L1TD1: variants seen among roughly 807,000 people sequenced by gnomAD.
The protein encoded by L1TD1 is LINE1 type transposase domain containing 1, also known as LINE-1 type transposase domain-containing protein 1.
Under a neutral mutation model 25.7 loss-of-function variants are expected in L1TD1, and 26 were observed. That is an observed-to-expected ratio of 1.01 (90% confidence interval 0.74 to 1.40). The LOEUF (loss-of-function observed/expected upper bound fraction) is 1.40, where lower values mean the gene tolerates loss of function less well. Among genes scored for constraint, L1TD1 ranks in the 40% most tolerant of loss-of-function variants. L1TD1 has a pLI of 0.00. For synonymous variants in L1TD1, 421 were observed against 335.6 expected, an observed-to-expected ratio of 1.25 and a Z score of -2.78; for missense variants, 1,130 against 975.0, an observed-to-expected ratio of 1.16 and a Z score of -2.12.
chr1:62,195,688 G>A (rs1242049150), intron 1 of L1TD1, among the ~76,000 whole-genome samples: 1 of 152,168 alleles, frequency 6.6e-6, no homozygotes, highest in Admixed American at 6.5e-5. Context: ...AGAGGCAGAG[G>A]TTGCACTGAG....
chr1:62,211,064 T>C lies in L1TD1; in HGVS notation c.2290T>C (p.Phe764Leu). 1 of 1,550,882 alleles carries C rather than the reference T, an allele frequency of 6.4e-7. No homozygotes were observed. Among genetic ancestry groups the C allele is most frequent in the Non-Finnish European group, 8.7e-7 (1 of 1,146,868 alleles). ...GACTCCTAGACACATCTTGGTGAAA[T>C]TTTGGAATTCTAGTGATAAAGAGAA... is the stretch of plus-strand genomic sequence containing the variant. ...RLTPRHILVK[F>L]WNSSDKEKII... The change falls in exon 4 of 4, where the codon TTT (phenylalanine) becomes CTT (leucine). Residue 764 changes from phenylalanine to leucine, a missense_variant. Physicochemically the swap from Phe to Leu is conservative, Grantham distance 22 (BLOSUM62 0). Coordinates refer to ENST00000498273, the MANE Select transcript of L1TD1 (RefSeq NM_019079.5).
In L1TD1 at chr1:62,206,712, G is replaced by A. The variant is rs1181699605; in HGVS notation, c.84G>A (p.Glu28=). The A allele has an allele frequency of 1.6e-5, 25 of 1,542,364 alleles. No individual in the cohort carries two copies. The highest frequency in any genetic ancestry group is 2.2e-5 in the Non-Finnish European group (25 of 1,141,654). Residue 28 remains glutamate (E), a synonymous_variant, in exon 3 of 4, where the codon GAG becomes GAA. Coordinates refer to ENST00000498273, the MANE Select transcript of L1TD1 (RefSeq NM_019079.5). ...KKENITYMKR[E]QLTETDKDIA... ...AAAATATCACCTATATGAAAAGAGA[G>A]CAGTTAACAGAAACTGATAAGGACA...
At chr1:62,203,391 C>T (rs1157668459) in intron 2 of L1TD1, among the ~76,000 whole-genome samples, 1 of 152,112 alleles carries the variant, frequency 6.6e-6, no homozygotes, top group African/African-American at 2.4e-5. Context: ...CACCCACCTA[C>T]TACCCTTCCC....
chr1:62,205,438 T>TATAC (rs1670725387), intron 2 of L1TD1, among the ~76,000 whole-genome samples: 1 of 66,620 alleles, frequency 1.5e-5, no homozygotes, highest in Non-Finnish European at 2.9e-5. Context: ...TATATATATA[T>TATAC]ATATATTTTT....
chr1:62,196,374 G>A (rs528924675), intron 1 of L1TD1, 61 bp from the exon 2 acceptor site: 1 of 152,172 alleles, frequency 6.6e-6, no homozygotes, highest in East Asian at 1.9e-4. Flanking sequence ...TCAATATAAG[G>A]TGATTTTCTA....
At chr1:62,205,380 TC>T (rs1557443373) in intron 2 of L1TD1, among the ~76,000 whole-genome samples, 2 of 79,180 alleles carry the variant, frequency 2.5e-5, no homozygotes, top group Non-Finnish European at 5.0e-5. Context: ...TCTTTCTCTC[TC>T]TCTCTCTTTC....
rs776963727 is a variant in L1TD1, at chr1:62,210,373, G to C, written c.1599G>C (p.Gln533His). 6.2e-7 allele frequency: 1 copy of C among 1,613,974 alleles called. No homozygotes were observed. Among genetic ancestry groups the C allele is most frequent in the East Asian group, 2.2e-5 (1 of 44,878 alleles). ...AACACCAGGTGGTGCACAAAACCCA[G>C]GAGGAAGAGGAAACAGCTGTGCCCA... ...LVKHQVVHKT[Q>H]EEEETAVPTS... is the part of the protein sequence containing the mutation. The change falls in exon 4 of 4, where the codon CAG becomes CAC. Residue 533 changes from glutamine (Q) to histidine (H), a missense_variant. By Grantham distance (24) the Gln-to-His change is conservative. Coordinates refer to ENST00000498273, the MANE Select transcript of L1TD1 (RefSeq NM_019079.5).
Position 62,212,289 on chromosome 1 carries a change from C to T in L1TD1, c.*917C>T, listed in dbSNP as rs1368054843. 6 of 148,454 alleles carry T rather than the reference C, an allele frequency of 4.0e-5. No individual in the cohort carries two copies. The highest frequency in any genetic ancestry group is 9.0e-5 in the Non-Finnish European group (6 of 66,696). The allele number at this position is 148,454 out of a possible 1,614,324, so 9.2% of individuals were successfully genotyped here. A position where few individuals can be genotyped will look rare whatever the true frequency, so the allele number is the denominator to read the frequency against. ...TATTTCACAAGTTTGTATCATTTGT[C>T]ATGATGTGACTCGAATATATTAAAT... On this transcript the variant is annotated 3_prime_UTR_variant, in exon 4 of 4. Coordinates refer to ENST00000498273, the MANE Select transcript of L1TD1 (RefSeq NM_019079.5).
At chr1:62,200,976 A>G (rs545847659) in intron 2 of L1TD1, among the ~76,000 whole-genome samples, 31 of 151,790 alleles carry the variant, frequency 2.0e-4, no homozygotes, top group African/African-American at 7.0e-4. Context: ...TCTGTTGCCC[A>G]GGCTGTAGTG....
Position 62,207,605 on chromosome 1 carries a change from G to A in L1TD1, c.977G>A (p.Gly326Glu), listed in dbSNP as rs754562569. ...VLPQKEEINQ[G>E]GRKYGIQEKR... ...CCACAAAAGGAAGAAATAAATCAAG[G>A]AGGAAGAAAATATGGAATTCAAGAA... The change falls in exon 3 of 4, where the codon GGA (glycine) becomes GAA (glutamate). Residue 326 changes from glycine (G) to glutamate (E), a missense_variant. By Grantham distance (98) the Gly-to-Glu change is moderately conservative (BLOSUM62 -2). Coordinates refer to ENST00000498273, the MANE Select transcript of L1TD1 (RefSeq NM_019079.5). 21 of 1,540,192 alleles carry A rather than the reference G, an allele frequency of 1.4e-5. No homozygotes were observed. The highest frequency in any genetic ancestry group is 1.7e-5 in the Non-Finnish European group (20 of 1,143,502).
rs1171296564 is a variant in L1TD1 at position 62,207,109 on chromosome 1, C to A, written c.481C>A (p.Pro161Thr). ...EYNSNDGKKLPQGESRSYEVM... is the reference protein window; with the variant it reads ...EYNSNDGKKLTQGESRSYEVM... ...CAATAGTAATGATGGTAAGAAATTA[C>A]CCCAGGGTGAATCACGAAGTTACGA... Residue 161 changes from proline to threonine, a missense_variant, in exon 3 of 4, where the codon CCC (proline) becomes ACC (threonine). Coordinates refer to ENST00000498273, the MANE Select transcript of L1TD1 (RefSeq NM_019079.5). The A allele has an allele frequency of 6.2e-7, 1 of 1,605,252 alleles. No homozygotes were observed. Among genetic ancestry groups the A allele is most frequent in the Admixed American group, 1.7e-5 (1 of 58,122 alleles).
At chr1:62,200,150 G>A (rs1484148896) in intron 2 of L1TD1, among the ~76,000 whole-genome samples, 1 of 151,788 alleles carries the variant, frequency 6.6e-6, no homozygotes, top group Non-Finnish European at 1.5e-5. Flanking sequence ...ATCATAACAT[G>A]GTGTATATAT....
At chr1:62,199,512 A>AAAAC (rs1458213821) in intron 2 of L1TD1, among the ~76,000 whole-genome samples, 1 of 151,364 alleles carries the variant, frequency 6.6e-6, no homozygotes, top group Non-Finnish European at 1.5e-5. Flanking sequence ...AAAAAAAAAA[A>AAAAC]ATCAGCATTT....
Position 62,209,794 on chromosome 1 carries a change from A to T in L1TD1, c.1020A>T (p.Leu340=). The stretch of plus-strand genomic sequence containing the variant: ...TGTTTAACTTTCAGGATAAAACCCT[A>T]ATAGACTCAAAGCATAGAGCTGGAG... The part of the protein sequence containing the change: ...YGIQEKRDKT[L]IDSKHRAGEI... The change falls in exon 4 of 4, where the codon CTA becomes CTT. Residue 340 remains leucine, a synonymous_variant. Coordinates refer to ENST00000498273, the MANE Select transcript of L1TD1 (RefSeq NM_019079.5). 1 of 1,569,394 alleles carries T rather than the reference A, an allele frequency of 6.4e-7. No individual in the cohort carries two copies. Among genetic ancestry groups the T allele is most frequent in the East Asian group, 2.2e-5 (1 of 44,668 alleles).
intron 2 of L1TD1, among the ~76,000 whole-genome samples, chr1:62,204,925 G>A (rs368188861): frequency 6.6e-6 from 1 of 151,924 alleles, no homozygotes; most frequent in African/African-American, 2.4e-5. Flanking sequence ...TACAGTGCAC[G>A]CCACCACACC....
intron 2 of L1TD1, among the ~76,000 whole-genome samples, chr1:62,206,253 ATAG>A (rs1302609846): frequency 6.6e-6 from 1 of 152,216 alleles, no homozygotes; most frequent in African/African-American, 2.4e-5. Flanking sequence ...AACAAAGTTA[ATAG>A]TATGGCAAAT....
chr1:62,210,725 G>C lies in L1TD1; in HGVS notation c.1951G>C (p.Asp651His), dbSNP rs1031951649. 8.4e-6 allele frequency: 13 copies of C among 1,551,578 alleles called. No homozygotes were observed. The Admixed American group carries it at 9.8e-5, about 12-fold the overall frequency. The change falls in exon 4 of 4, where the codon GAT (aspartate) becomes CAT (histidine). Residue 651 changes from aspartate (D) to histidine (H), a missense_variant. Transcript: ENST00000498273. ...CTTGGAAATTGAAAATTCAGTAGATGATCTGAGTAGCAGAATGGACATACT... is the reference window on the plus strand; with the variant it reads ...CTTGGAAATTGAAAATTCAGTAGATCATCTGAGTAGCAGAATGGACATACT... ...GVLEIENSVDDLSSRMDILEE... is the reference protein window; with the variant it reads ...GVLEIENSVDHLSSRMDILEE...
rs1458397697 is a variant in L1TD1 at position 62,210,759 on chromosome 1, G to A, written c.1985G>A (p.Arg662Lys). The change falls in exon 4 of 4, where the codon AGA (arginine) becomes AAA (lysine). Residue 662 changes from arginine to lysine, a missense_variant. By Grantham distance (26) the Arg-to-Lys change is conservative. Transcript: ENST00000498273. Reference sequence around the variant, plus strand: ...AGCAGAATGGACATACTTGAAGAAAGAATAGACAGTCTAGAAGATCAAATT... The same window carrying A: ...AGCAGAATGGACATACTTGAAGAAAAAATAGACAGTCTAGAAGATCAAATT... ...LSSRMDILEE[R>K]IDSLEDQIEE... 1.3e-6 allele frequency: 2 copies of A among 1,551,406 alleles called. No individual in the cohort carries two copies. The highest frequency in any genetic ancestry group is 2.0e-5 in the Admixed American group (1 of 50,928).
At chr1:62,199,889 C>T (rs1165291215) in intron 2 of L1TD1, among the ~76,000 whole-genome samples, 1 of 152,118 alleles carries the variant, frequency 6.6e-6, no homozygotes, top group Non-Finnish European at 1.5e-5. Flanking sequence ...TCAGGGTGTT[C>T]AAACACTGGA....
Sources: allele counts gnomAD v4.1 joint callset (sites outside exome capture counted in the v4.1 genomes callset), GRCh38; gene constraint gnomAD v4.1.1; transcripts MANE v1.5; gene names NCBI Gene and HGNC (gene_info 2026-07-23, HGNC 2026-07-21).